The following RARB variants were observed in gnomAD, a reference collection of about 807,000 sequenced individuals.
RARB encodes retinoic acid receptor beta.
In RARB, 17 loss-of-function variants were observed where a neutral mutation model predicts 51.9. The ratio of observed to expected loss-of-function variants is 0.33; its 90% CI spans 0.22 to 0.49. RARB has a LOEUF of 0.49. RARB is among the 20% of genes least tolerant of loss of function. The probability of loss-of-function intolerance (pLI) is 0.99; values close to 1 mark genes in which losing one functional copy is unlikely to be tolerated. For missense variants in RARB, 369 were observed against 550.8 expected, an observed-to-expected ratio of 0.67 and a Z score of 3.30; for synonymous variants, 215 against 195.4, an observed-to-expected ratio of 1.10 and a Z score of -0.84.
chr3:25,215,371 G>C (rs2164473), intron 5 of RARB, among the ~76,000 whole-genome samples: 151,127 of 152,358 alleles, frequency 0.99, 74,959 homozygotes, highest in East Asian at 1. Context: ...GTTGACTGTT[G>C]TACCTGTGAC....
chr3:25,158,443 C>T (rs1700413450), intron 4 of RARB, among the ~76,000 whole-genome samples: 1 of 152,160 alleles, frequency 6.6e-6, no homozygotes, highest in African/African-American at 2.4e-5. Context: ...AGCTGTAGAC[C>T]TATTTCAGTG....
intron 2 of RARB, among the ~76,000 whole-genome samples, chr3:24,995,867 G>A (rs6771624): frequency 0.53 from 80,283 of 151,802 alleles, 22,387 homozygotes; most frequent in African/African-American, 0.71. Flanking sequence ...GTTTGCTAGT[G>A]TTTTGTTAAG....
chr3:25,400,554 A>G (rs2125493999), intron 5 of RARB, among the ~76,000 whole-genome samples: 1 of 152,320 alleles, frequency 6.6e-6, no homozygotes, highest in African/African-American at 2.4e-5. Context: ...GGGAGTCTTG[A>G]ACTAAATATT....
chr3:25,016,475 T>G (rs1210340677), intron 2 of RARB, among the ~76,000 whole-genome samples: 1 of 152,164 alleles, frequency 6.6e-6, no homozygotes, highest in Non-Finnish European at 1.5e-5. Flanking sequence ...CATTGACTAA[T>G]TCCTGCTGGG....
At chr3:25,460,225 C>T (rs896126151) in intron 1 of RARB, among the ~76,000 whole-genome samples, 5 of 152,150 alleles carry the variant, frequency 3.3e-5, no homozygotes, top group African/African-American at 7.2e-5. Context: ...GAGCTGGGAC[C>T]TGATACTATT....
At chr3:25,209,984 A>C (rs1246885211) in intron 5 of RARB, among the ~76,000 whole-genome samples, 1 of 152,140 alleles carries the variant, frequency 6.6e-6, no homozygotes, top group Non-Finnish European at 1.5e-5. Flanking sequence ...CTTCTGACAT[A>C]TTACTATAGC....
At chr3:24,934,992 G>A (rs940981919) in intron 2 of RARB, among the ~76,000 whole-genome samples, 2 of 152,078 alleles carry the variant, frequency 1.3e-5, no homozygotes, top group South Asian at 2.1e-4. Context: ...AGTGTTTAAC[G>A]AACCCTATCA....
intron 5 of RARB, among the ~76,000 whole-genome samples, chr3:25,384,768 A>G (rs1030865102): frequency 6.6e-6 from 1 of 152,226 alleles, no homozygotes; most frequent in African/African-American, 2.4e-5. Flanking sequence ...CCCAGAAAAG[A>G]GTATTTTCAG....
intron 5 of RARB, among the ~76,000 whole-genome samples, chr3:25,289,183 C>T (rs1002141154): frequency 6.6e-6 from 1 of 152,186 alleles, no homozygotes; most frequent in African/African-American, 2.4e-5. Flanking sequence ...TGTGGTATCC[C>T]ATTCAGGTTC....
At chr3:25,024,732 C>A (rs917942412) in intron 2 of RARB, among the ~76,000 whole-genome samples, 5 of 152,002 alleles carry the variant, frequency 3.3e-5, no homozygotes, top group Non-Finnish European at 7.4e-5. Context: ...CGGGCCAGAT[C>A]ACTTGAGCTC....
chr3:24,958,947 G>A (rs1327878464), intron 2 of RARB, among the ~76,000 whole-genome samples: 1 of 152,182 alleles, frequency 6.6e-6, no homozygotes, highest in Non-Finnish European at 1.5e-5. Flanking sequence ...TTGTGGGAGG[G>A]GGATCACACA....
At chr3:25,119,994 C>G (rs892661050) in intron 3 of RARB, among the ~76,000 whole-genome samples, 1 of 152,052 alleles carries the variant, frequency 6.6e-6, no homozygotes, top group African/African-American at 2.4e-5. Flanking sequence ...TAGAGTGCCC[C>G]CCAGCTCCAA....
intron 3 of RARB, among the ~76,000 whole-genome samples, chr3:25,114,613 T>C (rs1388686265): frequency 1.1e-4 from 16 of 152,190 alleles, no homozygotes; most frequent in South Asian, 2.1e-4. Context: ...CAAGTGTTAT[T>C]GGCAGCAACC....
At chr3:24,870,410 T>G (rs1245817915) in intron 2 of RARB, among the ~76,000 whole-genome samples, 1 of 152,124 alleles carries the variant, frequency 6.6e-6, no homozygotes, top group Non-Finnish European at 1.5e-5. Context: ...CTTATCTCAC[T>G]AATAGTGTTT....
chr3:24,831,694 A>T (rs1702284900), intron 1 of RARB, among the ~76,000 whole-genome samples: 1 of 152,116 alleles, frequency 6.6e-6, no homozygotes, highest in Non-Finnish European at 1.5e-5. Context: ...GAAAAAAAAA[A>T]ACTGTGGGGT....
chr3:24,942,675 G>T (rs1041196916), intron 2 of RARB, among the ~76,000 whole-genome samples: 1 of 152,044 alleles, frequency 6.6e-6, no homozygotes, highest in Non-Finnish European at 1.5e-5. Flanking sequence ...GTATCAAATG[G>T]TATTATCTTT....
intron 4 of RARB, among the ~76,000 whole-genome samples, chr3:25,578,704 C>T (rs1042035115): frequency 4.6e-5 from 7 of 152,242 alleles, no homozygotes; most frequent in South Asian, 2.1e-4. Flanking sequence ...CATGTCTACT[C>T]TCCACAAGGA....
At chr3:25,206,744 G>T (rs530522772) in intron 5 of RARB, among the ~76,000 whole-genome samples, 2 of 152,164 alleles carry the variant, frequency 1.3e-5, no homozygotes, top group Non-Finnish European at 2.9e-5. Flanking sequence ...TACTGCTTCA[G>T]TGCTAGCGTA....
At chr3:25,578,424 C>T (rs1222002793) in intron 4 of RARB, among the ~76,000 whole-genome samples, 1 of 152,212 alleles carries the variant, frequency 6.6e-6, no homozygotes, top group African/African-American at 2.4e-5. Flanking sequence ...ATAAAGTTAC[C>T]TCATGCAATG....
Sources: allele counts gnomAD v4.1 joint callset (sites outside exome capture counted in the v4.1 genomes callset), GRCh38; gene constraint gnomAD v4.1.1; transcripts MANE v1.5; gene names NCBI Gene and HGNC (gene_info 2026-07-23, HGNC 2026-07-21).